RAI1: variants seen among roughly 807,000 people sequenced by gnomAD.
RAI1 encodes the protein retinoic acid induced 1, also known as retinoic acid-induced protein 1.
Under a neutral mutation model 123.8 loss-of-function variants are expected in RAI1, and 9 were observed. That is an observed-to-expected ratio of 0.07 (90% CI 0.04 to 0.13). RAI1 has a LOEUF of 0.13. Ranked by LOEUF, RAI1 falls within the 10% of genes least tolerant of loss-of-function variation. The pLI is 1.00. For missense variants in RAI1, 2,256 were observed against 2,545.8 expected, an observed-to-expected ratio of 0.89 and a Z score of 2.45; for synonymous variants, 1,231 against 1,127.3, an observed-to-expected ratio of 1.09 and a Z score of -1.84.
chr17:17,811,299 A>G lies in RAI1; in HGVS notation c.*1318A>G, dbSNP rs915994704. 3.3e-6 allele frequency: 1 copy of G among 299,424 alleles called. No individual in the cohort carries two copies. Among genetic ancestry groups the G allele is most frequent in the South Asian group, 3.0e-5 (1 of 33,538 alleles). 18.5% of individuals were successfully genotyped at this position (299,424 alleles called of 1,614,324 possible). Reference sequence around the variant, plus strand: ...GAAGACTGTAAATGTTAAGACGACTAGTGTTCTTATTAGTATATTGCTTCA... The same window carrying G: ...GAAGACTGTAAATGTTAAGACGACTGGTGTTCTTATTAGTATATTGCTTCA... On this transcript the variant is annotated 3_prime_UTR_variant, in exon 6 of 6. Transcript: ENST00000353383.
chr17:17,786,973 G>C (rs555313092), intron 2 of RAI1, among the ~76,000 whole-genome samples: 2 of 152,200 alleles, frequency 1.3e-5, no homozygotes, highest in African/African-American at 2.4e-5. Flanking sequence ...CCCGGGAGGC[G>C]GAGGTTGTGG....
In RAI1 at chr17:17,771,788, C is replaced by T. The variant is rs181415334; in HGVS notation, c.-16-21145C>T. ...CGCTCCCTTCCAAGCCCCCAGCACC[C>T]GCCTTTCATCCCTGTGCTGAGAGCC... On this transcript the variant is annotated intron_variant, in intron 2 of 5. Transcript: ENST00000353383. Among the ~76,000 whole-genome samples, 714 of 152,344 alleles carry T rather than the reference C, an allele frequency of 4.7e-3. 1 individual carries two copies. Among genetic ancestry groups the T allele is most frequent in the Non-Finnish European group, 8.2e-3 (556 of 68,016 alleles).
intron 1 of RAI1, among the ~76,000 whole-genome samples, chr17:17,701,299 G>T (rs557147605): frequency 6.6e-6 from 1 of 152,308 alleles, no homozygotes; most frequent in South Asian, 2.1e-4. Flanking sequence ...TGTGGGGGCT[G>T]CACTGCTGCC....
intron 2 of RAI1, among the ~76,000 whole-genome samples, chr17:17,782,803 G>T (rs978487781): frequency 4.6e-5 from 7 of 152,158 alleles, no homozygotes; most frequent in African/African-American, 1.7e-4. Flanking sequence ...CGTCGAGGCT[G>T]CTCAGGGCGC....
chr17:17,753,016 G>A (rs1440163380), intron 2 of RAI1, among the ~76,000 whole-genome samples: 3 of 152,204 alleles, frequency 2.0e-5, no homozygotes, highest in Non-Finnish European at 4.4e-5. Context: ...GTACTGGCCC[G>A]GGACTTGGGA....
chr17:17,689,497 C>A (rs1158782866), intron 1 of RAI1, among the ~76,000 whole-genome samples: 2 of 152,204 alleles, frequency 1.3e-5, no homozygotes, highest in Non-Finnish European at 2.9e-5. Flanking sequence ...CATCCAGCAA[C>A]TTGTGACTTT....
At chr17:17,759,830 G>A (rs2030612600) in intron 2 of RAI1, among the ~76,000 whole-genome samples, 1 of 152,232 alleles carries the variant, frequency 6.6e-6, no homozygotes, top group South Asian at 2.1e-4. Flanking sequence ...TGGAAGCTGT[G>A]TCCGTGAAGC....
At chr17:17,798,593 T>C in intron 3 of RAI1, 80 bp downstream of exon 3, 1 of 1,569,518 alleles carries the variant, frequency 6.4e-7, no homozygotes, top group Non-Finnish European at 8.6e-7. Context: ...GCCCCTTGTT[T>C]CTAGTGCTAC....
intron 2 of RAI1, among the ~76,000 whole-genome samples, chr17:17,791,037 T>G (rs115068567): frequency 0.019 from 2,833 of 152,276 alleles, 87 homozygotes; most frequent in African/African-American, 0.064. Context: ...GCACGCTGCT[T>G]GTTAGGGATG....
At chr17:17,756,383 G>T (rs532129286) in intron 2 of RAI1, among the ~76,000 whole-genome samples, 1 of 152,094 alleles carries the variant, frequency 6.6e-6, no homozygotes, top group Admixed American at 6.6e-5. Context: ...TTTTATTAGA[G>T]ACAGGGTTTC....
chr17:17,727,319 G>A (rs896895621), intron 2 of RAI1, among the ~76,000 whole-genome samples: 1 of 152,276 alleles, frequency 6.6e-6, no homozygotes, highest in Non-Finnish European at 1.5e-5. Flanking sequence ...AGGTCACACA[G>A]CAGTTGCTGG....
chr17:17,694,891 G>A (rs1423909592), intron 1 of RAI1, among the ~76,000 whole-genome samples: 2 of 152,020 alleles, frequency 1.3e-5, no homozygotes, highest in Non-Finnish European at 2.9e-5. Flanking sequence ...GGGAACGCGG[G>A]GGCTTCCAGT....
chr17:17,703,725 C>T (rs575810344), intron 1 of RAI1, among the ~76,000 whole-genome samples: 1 of 152,180 alleles, frequency 6.6e-6, no homozygotes, highest in Admixed American at 6.5e-5. Flanking sequence ...ACTGTAGCCT[C>T]GATCTCCTGA....
rs1256298126 is a variant in RAI1, at chr17:17,809,015, A to G, written c.5660-375A>G. Among the ~76,000 whole-genome samples the G allele has an allele frequency of 6.6e-6, 1 of 151,710 alleles. No homozygotes were observed. Among genetic ancestry groups the G allele is most frequent in the Non-Finnish European group, 1.5e-5 (1 of 67,888 alleles). ...CTTGCCTGCCAGTGGGGAAGAAACAAGGAGCAAGACAAGATCACACAGGCC... is the reference window on the plus strand; with the variant it reads ...CTTGCCTGCCAGTGGGGAAGAAACAGGGAGCAAGACAAGATCACACAGGCC... On this transcript the variant is annotated intron_variant, in intron 4 of 5. Transcript: ENST00000353383. This position sits in a 1 kb window ranked among gnomAD's most constrained non-coding sequence, Gnocchi z 4.9.
At position 17,713,731 on chromosome 17, in the gene RAI1, T is replaced by A. The variant is rs142716873; in HGVS notation, c.-148-10297T>A. On this transcript the variant is annotated intron_variant, in intron 1 of 5. Transcript: ENST00000353383. ...GGGTGAAGGGGATTCTGGATTTTGT[T>A]TGTTTTCTGTGTACTTTTCAATTTT... 1.7e-3 allele frequency among the ~76,000 whole-genome samples: 259 copies of A among 152,348 alleles called. 2 individuals are homozygous for A. Among genetic ancestry groups the A allele is most frequent in the African/African-American group, 5.8e-3 (241 of 41,584 alleles).
chr17:17,710,637 T>C (rs1915537900), intron 1 of RAI1, among the ~76,000 whole-genome samples: 1 of 152,168 alleles, frequency 6.6e-6, no homozygotes, highest in African/African-American at 2.4e-5. Flanking sequence ...CAGCCCCACC[T>C]GGCAGATGTG....
chr17:17,796,422 C>G lies in RAI1; in HGVS notation c.3474C>G (p.Ser1158=). 8 of 1,613,572 alleles carry G rather than the reference C, an allele frequency of 5.0e-6. No individual in the cohort carries two copies. Among genetic ancestry groups the G allele is most frequent in the Non-Finnish European group, 6.8e-6 (8 of 1,180,034 alleles). Residue 1158 remains serine, a synonymous_variant, in exon 3 of 6, where the codon TCC becomes TCG. Coordinates refer to ENST00000353383, the MANE Select transcript of RAI1 (RefSeq NM_030665.4). The surrounding 1 kb of genome is among the most constrained non-coding windows in gnomAD (Gnocchi z 5.8). ...CCAAAACCCAGGAGATCTTCCACTC[C>G]AAGCGGCGGAGGCCCTCTGAGGGCC... ...SRTKTQEIFH[S]KRRRPSEGRL...
chr17:17,701,685 C>T (rs1915229340), intron 1 of RAI1, among the ~76,000 whole-genome samples: 2 of 152,160 alleles, frequency 1.3e-5, no homozygotes, highest in Admixed American at 1.3e-4. Flanking sequence ...GCCCTCAACC[C>T]GTGGGCTCAA....
intron 2 of RAI1, among the ~76,000 whole-genome samples, chr17:17,760,587 A>C (rs1452916508): frequency 1.3e-5 from 2 of 152,170 alleles, no homozygotes; most frequent in African/African-American, 2.4e-5. Context: ...GGAGGCCCCC[A>C]GCCCCACCCA....
Sources: allele counts gnomAD v4.1 joint callset (sites outside exome capture counted in the v4.1 genomes callset), GRCh38; gene constraint gnomAD v4.1.1; non-coding constraint Gnocchi (gnomAD v3.1); transcripts MANE v1.5; gene names NCBI Gene and HGNC (gene_info 2026-07-23, HGNC 2026-07-21).